ROBO1: variants seen among roughly 807,000 people sequenced by gnomAD.
ROBO1 encodes the protein roundabout guidance receptor 1.
In ROBO1, 149 loss-of-function variants were observed where a neutral mutation model predicts 195.9. That is an observed-to-expected ratio of 0.76 (90% CI 0.67 to 0.87). The LOEUF is 0.87. ROBO1 is among the 40% of genes least tolerant of loss of function. The pLI is 0.00. For synonymous variants in ROBO1, 816 were observed against 733.2 expected, an observed-to-expected ratio of 1.11 and a Z score of -1.82; for missense variants, 1,933 against 2,068.3, an observed-to-expected ratio of 0.93 and a Z score of 1.27.
At chr3:79,307,561 C>G (rs917946469) in intron 2 of ROBO1, among the ~76,000 whole-genome samples, 1 of 151,900 alleles carries the variant, frequency 6.6e-6, no homozygotes, top group Non-Finnish European at 1.5e-5. Flanking sequence ...AAGCTTGTTA[C>G]AATTATTTTT....
chr3:78,967,892 T>A lies in ROBO1; in HGVS notation c.173-28965A>T, dbSNP rs147485370. On this transcript the variant is annotated intron_variant, in intron 3 of 30. Coordinates refer to ENST00000464233, the MANE Select transcript of ROBO1 (RefSeq NM_002941.4). Reference sequence around the variant, plus strand: ...GAGAAATATTTTCAAACTGGCTATATAGTTAAGGTCATAATTCTCCTGAGG... The same window carrying A: ...GAGAAATATTTTCAAACTGGCTATAAAGTTAAGGTCATAATTCTCCTGAGG... Among the ~76,000 whole-genome samples the A allele has an allele frequency of 2.0e-5, 3 of 152,300 alleles. No homozygotes were observed. The East Asian group carries it at 5.8e-4, about 29-fold the overall frequency.
chr3:79,328,385 G>A (rs1184324872), intron 2 of ROBO1, among the ~76,000 whole-genome samples: 1 of 152,004 alleles, frequency 6.6e-6, no homozygotes, highest in African/African-American at 2.4e-5. Flanking sequence ...GTTTTTCTTA[G>A]TTCTCAATCT....
intron 1 of ROBO1, among the ~76,000 whole-genome samples, chr3:79,662,980 T>C (rs1311462371): frequency 6.6e-6 from 1 of 152,096 alleles, no homozygotes; most frequent in Non-Finnish European, 1.5e-5. Flanking sequence ...TATTATTGAC[T>C]GCTAGGCACA....
intron 2 of ROBO1, among the ~76,000 whole-genome samples, chr3:79,386,793 T>A (rs1198210935): frequency 1.3e-5 from 2 of 152,176 alleles, no homozygotes; most frequent in Non-Finnish European, 2.9e-5. Context: ...GATTGTGGGC[T>A]TTATTCCTCA....
chr3:78,930,734 A>T (rs922680985), intron 4 of ROBO1, among the ~76,000 whole-genome samples: 3 of 152,102 alleles, frequency 2.0e-5, no homozygotes, highest in Non-Finnish European at 4.4e-5. Flanking sequence ...CATCTCTATT[A>T]CTACCACCAG....
chr3:79,307,828 T>C (rs1466146521), intron 2 of ROBO1, among the ~76,000 whole-genome samples: 1 of 152,108 alleles, frequency 6.6e-6, no homozygotes, highest in African/African-American at 2.4e-5. Flanking sequence ...TAATGCCTAT[T>C]TGGTATGAAT....
chr3:79,663,966 G>A (rs28651359), intron 1 of ROBO1, among the ~76,000 whole-genome samples: 4 of 151,886 alleles, frequency 2.6e-5, no homozygotes, highest in African/African-American at 9.7e-5. Context: ...TACAAATTCA[G>A]TCCTTCCATT....
At chr3:79,412,274 G>GA (rs2037800264) in intron 2 of ROBO1, among the ~76,000 whole-genome samples, 1 of 152,144 alleles carries the variant, frequency 6.6e-6, no homozygotes, top group South Asian at 2.1e-4. Context: ...CAAATGCCAG[G>GA]AGAGATAAGC....
At chr3:79,232,058 G>C (rs2082329817) in intron 2 of ROBO1, among the ~76,000 whole-genome samples, 1 of 151,962 alleles carries the variant, frequency 6.6e-6, no homozygotes, top group South Asian at 2.1e-4. Context: ...TTGGAGGGTA[G>C]AGAATGAGAG....
chr3:79,200,297 G>C (rs1234571589), intron 2 of ROBO1, among the ~76,000 whole-genome samples: 1 of 151,678 alleles, frequency 6.6e-6, no homozygotes, highest in African/African-American at 2.4e-5. Context: ...GACCACCCTT[G>C]ACATACTTTA....
chr3:78,772,356 T>G (rs2083396527), intron 4 of ROBO1, among the ~76,000 whole-genome samples: 1 of 152,072 alleles, frequency 6.6e-6, no homozygotes, highest in Admixed American at 6.6e-5. Flanking sequence ...ATTGACATCT[T>G]CCTGAAATAA....
At chr3:78,799,904 C>T (rs1387102772) in intron 4 of ROBO1, among the ~76,000 whole-genome samples, 2 of 152,114 alleles carry the variant, frequency 1.3e-5, no homozygotes, top group African/African-American at 4.8e-5. Context: ...AGGATTCACC[C>T]TTATCATATT....
chr3:79,381,367 AAAAAAAAAAAGAAAAG>A (rs1323077785), intron 2 of ROBO1, among the ~76,000 whole-genome samples: 6 of 108,676 alleles, frequency 5.5e-5, no homozygotes, highest in Non-Finnish European at 1.1e-4. Flanking sequence ...AAAAAAAAAA[AAAAAAAAAAAGAAAAG>A]AAAAGAAAAG....
intron 4 of ROBO1, among the ~76,000 whole-genome samples, chr3:78,792,441 G>C (rs1043596061): frequency 6.6e-6 from 1 of 152,158 alleles, no homozygotes; most frequent in Non-Finnish European, 1.5e-5. Flanking sequence ...GCAGAATTGG[G>C]TAACAAGCAA....
At chr3:78,772,255 C>T (rs1282064061) in intron 4 of ROBO1, among the ~76,000 whole-genome samples, 1 of 151,932 alleles carries the variant, frequency 6.6e-6, no homozygotes, top group African/African-American at 2.4e-5. Context: ...GTATACAAAC[C>T]CCATTTGACT....
intron 2 of ROBO1, among the ~76,000 whole-genome samples, chr3:79,379,010 T>C (rs940410146): frequency 3.3e-5 from 5 of 152,232 alleles, no homozygotes; most frequent in African/African-American, 9.6e-5. Context: ...CTCTGTGCTC[T>C]GAAGACACTA....
intron 2 of ROBO1, among the ~76,000 whole-genome samples, chr3:79,214,258 G>T (rs992717833): frequency 2.0e-5 from 3 of 151,994 alleles, no homozygotes; most frequent in Non-Finnish European, 2.9e-5. Flanking sequence ...GTAATAAACA[G>T]CAAACAGTTT....
chr3:79,005,455 C>A (rs1281097559), intron 3 of ROBO1, among the ~76,000 whole-genome samples: 1 of 152,098 alleles, frequency 6.6e-6, no homozygotes, highest in African/African-American at 2.4e-5. Context: ...TACCGTGAAA[C>A]AGAATGAAAA....
intron 3 of ROBO1, among the ~76,000 whole-genome samples, chr3:79,060,590 C>T (rs1316880444): frequency 6.6e-6 from 1 of 151,416 alleles, no homozygotes; most frequent in East Asian, 2.0e-4. Context: ...GGGCTGGTTC[C>T]CCCCATAATA....
Sources: allele counts gnomAD v4.1 joint callset (sites outside exome capture counted in the v4.1 genomes callset), GRCh38; gene constraint gnomAD v4.1.1; transcripts MANE v1.5; gene names NCBI Gene and HGNC (gene_info 2026-07-23, HGNC 2026-07-21).